TSC1: variants seen among roughly 807,000 people sequenced by gnomAD.
The protein encoded by TSC1 is hamartin.
Under a neutral mutation model 124.3 loss-of-function variants are expected in TSC1, and 20 were observed. That is an observed-to-expected ratio of 0.16 (90% CI 0.11 to 0.23). TSC1 has a LOEUF of 0.23. TSC1 is among the 10% of genes least tolerant of loss of function. The pLI is 1.00. For synonymous variants in TSC1, 493 were observed against 539.1 expected, an observed-to-expected ratio of 0.91 and a Z score of 1.19; for missense variants, 1,124 against 1,448.5, an observed-to-expected ratio of 0.78 and a Z score of 3.64.
At chr9:132,942,235 G>A (rs1847775091) in intron 1 of TSC1, 1 of 152,174 alleles carries the variant, frequency 6.6e-6, no homozygotes, top group Admixed American at 6.5e-5. Context: ...AATAATAAAT[G>A]AAAATAGCCA....
At chr9:132,910,828 C>A in intron 11 of TSC1, 136 bp from the exon 12 acceptor site, 1 of 1,428,086 alleles carries the variant, frequency 7.0e-7, no homozygotes. Flanking sequence ...ATCAGTCTCT[C>A]TCTTTTTTGT....
Position 132,891,469 on chromosome 9 carries a change from T to C in TSC1, c.*4766A>G, listed in dbSNP as rs1033208024. The C allele has an allele frequency of 1.7e-5, 4 of 233,512 alleles. No individual in the cohort carries two copies. Among genetic ancestry groups the C allele is most frequent in the Admixed American group, 1.1e-4 (2 of 17,784 alleles). 14.5% of individuals were successfully genotyped at this position (233,512 alleles called of 1,614,324 possible). A position where few individuals can be genotyped will look rare whatever the true frequency, so the allele number is the denominator to read the frequency against. ...GATTCCAATTCCCATTCACTAAGAT[T>C]GTACCATTTTATCCTGCAGTTCATA... On this transcript the variant is annotated 3_prime_UTR_variant, in exon 23 of 23. Transcript: ENST00000298552.
Position 132,935,714 on chromosome 9 carries a change from C to T in TSC1, c.-143-619G>A, listed in dbSNP as rs141802231. ...CACCCCTCCCCAACCCTCCCCACCA[C>T]CTTGACTCACTGGCCTTTCAGTTCC... is the stretch of plus-strand genomic sequence containing the variant. On this transcript the variant is annotated intron_variant, in intron 1 of 22. Transcript: ENST00000298552. Among the ~76,000 whole-genome samples the T allele has an allele frequency of 1.2e-3, 178 of 152,346 alleles. 1 individual carries two copies. The highest frequency in any genetic ancestry group is 4.1e-3 in the African/African-American group (172 of 41,572).
At chr9:132,939,211 G>A (rs1291596133) in intron 1 of TSC1, 3 of 152,148 alleles carry the variant, frequency 2.0e-5, no homozygotes, top group Non-Finnish European at 2.9e-5. Flanking sequence ...GAACCAAGAC[G>A]CCTTCAGCAC....
chr9:132,897,717 A>G (rs1051295591), intron 20 of TSC1, 107 bp from the exon 21 acceptor site: 3 of 1,430,706 alleles, frequency 2.1e-6, no homozygotes, highest in Admixed American at 2.3e-5. Flanking sequence ...GCATTTTAGT[A>G]TACTGATAAC....
chr9:132,909,018 C>T (rs988483034), intron 12 of TSC1, among the ~76,000 whole-genome samples: 1 of 151,670 alleles, frequency 6.6e-6, no homozygotes. Context: ...GATTCTCCCG[C>T]CTCAGCCTCC....
intron 13 of TSC1, 48 bp downstream of exon 13, chr9:132,907,253 C>A (rs752761223): frequency 1.3e-6 from 2 of 1,499,370 alleles, no homozygotes; most frequent in African/African-American, 1.4e-5. Flanking sequence ...ACACATATAA[C>A]CCAATTAGAA....
At position 132,906,427 on chromosome 9, in the gene TSC1, T is replaced by C. The variant is rs1588311908; in HGVS notation, c.1439-288A>G. 5.6e-6 allele frequency: 3 copies of C among 533,142 alleles called. No homozygotes were observed. The highest frequency in any genetic ancestry group is 5.2e-4 in the Middle Eastern group (1 of 1,918). 33.0% of individuals were successfully genotyped at this position (533,142 alleles called of 1,614,324 possible). A position where few individuals can be genotyped will look rare whatever the true frequency, so the allele number is the denominator to read the frequency against. On this transcript the variant is annotated intron_variant, in intron 14 of 22. Transcript: ENST00000298552. This position sits in a 1 kb window ranked among gnomAD's most constrained non-coding sequence, Gnocchi z 4.1. ...AGCTGAGCATCGTGGTGTATGCCTG[T>C]GGTCCCAGCTACTCAGGAGGCTGAG...
In TSC1 at chr9:132,928,845, G is replaced by A. The variant is rs1399717425; in HGVS notation, c.28C>T (p.Leu10Phe). The A allele has an allele frequency of 1.2e-6, 2 of 1,614,102 alleles. No individual in the cohort carries two copies. The highest frequency in any genetic ancestry group is 1.7e-6 in the Non-Finnish European group (2 of 1,180,048). Residue 10 changes from leucine to phenylalanine, a missense_variant, in exon 3 of 23, where the codon CTT becomes TTT. Leu to Phe is a conservative substitution (Grantham distance 22). Transcript: ENST00000298552. Reference protein sequence around the residue: MAQQANVGELLAMLDSPMLG... With the variant: MAQQANVGEFLAMLDSPMLG... ...ATGGGGGAGTCCAGCATGGCAAGAA[G>A]CTCCCCGACATTTGCTTGTTGGGCC... is the stretch of plus-strand genomic sequence containing the variant.
chr9:132,896,287 A>G lies in TSC1; in HGVS notation c.3443T>C (p.Val1148Ala), dbSNP rs2131587093. Residue 1148 changes from valine to alanine, a missense_variant, in exon 23 of 23, where the codon GTT becomes GCT. Coordinates refer to ENST00000298552, the MANE Select transcript of TSC1 (RefSeq NM_000368.5). The surrounding 1 kb of genome is among the most constrained non-coding windows in gnomAD (Gnocchi z 4.5). ...GTAGTCCATGATATGTAGCTGTCCA[A>G]CACTGTCCGGGGTCGGGGGAGACGG... Reference protein sequence around the residue: ...PHPSPPTPDSVGQLHIMDYNE... With the variant: ...PHPSPPTPDSAGQLHIMDYNE... The G allele has an allele frequency of 6.2e-7, 1 of 1,614,162 alleles. No homozygotes were observed. The highest frequency in any genetic ancestry group is 8.5e-7 in the Non-Finnish European group (1 of 1,180,032).
chr9:132,907,271 G>C (rs1201148671), intron 13 of TSC1, 30 bp downstream of exon 13: 10 of 1,592,592 alleles, frequency 6.3e-6, no homozygotes, highest in Non-Finnish European at 8.6e-6. Context: ...GAAGAGGCAA[G>C]CAAGGCCTGT....
At position 132,892,836 on chromosome 9, in the gene TSC1, CAG is replaced by C. The variant is rs1405280788; in HGVS notation, c.*3397_*3398del. 8.6e-6 allele frequency: 2 copies of C among 233,186 alleles called. No homozygotes were observed. Among genetic ancestry groups the C allele is most frequent in the Non-Finnish European group, 1.7e-5 (2 of 118,072 alleles). The allele number at this position is 233,186 out of a possible 1,614,324, so 14.4% of individuals were successfully genotyped here. ...CAGTGAGTCTGAGCCTCTGTGGTCT[CAG>C]AGATCCTTTCATCCCCATGACCATT... On this transcript the variant is annotated 3_prime_UTR_variant, in exon 23 of 23. Transcript: ENST00000298552.
intron 4 of TSC1, 114 bp from the exon 5 acceptor site, chr9:132,925,853 G>GTCTT: frequency 7.4e-7 from 1 of 1,347,874 alleles, no homozygotes; most frequent in Non-Finnish European, 1.0e-6. Context: ...TGTAAAGCAA[G>GTCTT]GGTCATGCAG....
rs1845341615 is a variant in TSC1, at chr9:132,900,922, G to A, written c.2503-85C>T. 6 of 1,593,862 alleles carry A rather than the reference G, an allele frequency of 3.8e-6. No individual in the cohort carries two copies. The Admixed American group carries it at 6.7e-5, about 18-fold the overall frequency. On this transcript the variant is annotated intron_variant, in intron 19 of 22. Coordinates refer to ENST00000298552, the MANE Select transcript of TSC1 (RefSeq NM_000368.5). ...TCATTAAACAGGGAATCAGCTAGGA[G>A]CACACTATTTCAATGTTAAGGCAAA...
At chr9:132,927,804 C>T (rs1043724531) in intron 3 of TSC1, among the ~76,000 whole-genome samples, 30 of 152,176 alleles carry the variant, frequency 2.0e-4, no homozygotes, top group South Asian at 2.1e-4. Flanking sequence ...GGATTACAGG[C>T]GTGAGCCGCC....
At chr9:132,939,845 G>C (rs1412646338) in intron 1 of TSC1, among the ~76,000 whole-genome samples, 1 of 152,130 alleles carries the variant, frequency 6.6e-6, no homozygotes, top group African/African-American at 2.4e-5. Flanking sequence ...CAGGAGCCTG[G>C]GTATTTGTTA....
rs1392416235 is a variant in TSC1, at chr9:132,905,719, A to G, written c.1859T>C (p.Val620Ala). Residue 620 changes from valine (V) to alanine (A), a missense_variant, in exon 15 of 23, where the codon GTC becomes GCC. Val to Ala is a moderately conservative substitution (Grantham distance 64, BLOSUM62 0). This residue lies in a region of TSC1 where 321 missense variants were observed against 397.4 expected (regional missense o/e 0.81). Coordinates refer to ENST00000298552, the MANE Select transcript of TSC1 (RefSeq NM_000368.5). Reference protein sequence around the residue: ...VALPKTAHHFVIRKTEELLKK... With the variant: ...VALPKTAHHFAIRKTEELLKK... ...TAACAGCTCCTCAGTCTTCCTGATG[A>G]CAAAATGATGGGCTGTCTTTGGCAA... The G allele has an allele frequency of 1.2e-6, 2 of 1,614,068 alleles. No homozygotes were observed. The highest frequency in any genetic ancestry group is 1.7e-6 in the Non-Finnish European group (2 of 1,180,042).
intron 20 of TSC1, chr9:132,899,391 G>C (rs1186137627): frequency 6.6e-6 from 1 of 152,314 alleles, no homozygotes; most frequent in Non-Finnish European, 1.5e-5. Flanking sequence ...GTGCAGAAGA[G>C]TGGAAAGAGC....
intron 1 of TSC1, 139 bp downstream of exon 1, chr9:132,944,404 A>AC (rs1847952808): frequency 2.0e-5 from 8 of 393,108 alleles, no homozygotes; most frequent in Non-Finnish European, 2.7e-5. Context: ...AGCTCTCCGA[A>AC]CCCCCCTTCC....
Sources: gnomAD v4.1 joint callset for allele counts (sites outside exome capture counted in the v4.1 genomes callset) on GRCh38, gnomAD v4.1.1 for gene constraint, gnomAD v4.1.1 regional missense constraint, Gnocchi (gnomAD v3.1) non-coding constraint, MANE v1.5 for transcripts, NCBI Gene and HGNC (gene_info 2026-07-23, HGNC 2026-07-21) for gene names.